DNAJC12: variants seen among roughly 807,000 people sequenced by gnomAD.
DNAJC12 encodes the protein DnaJ heat shock protein family (Hsp40) member C12, also known as dnaJ homolog subfamily C member 12.
DNAJC12 carries 25 observed loss-of-function variants against 28.5 expected under a neutral mutation model. The observed-to-expected ratio is 0.88, with a 90% CI of 0.64 to 1.22. The LOEUF (loss-of-function observed/expected upper bound fraction) is 1.22, where lower values mean the gene tolerates loss of function less well. DNAJC12 is among the 50% of genes most tolerant of loss of function. The probability of loss-of-function intolerance (pLI) is 0.00; values close to 1 mark genes in which losing one functional copy is unlikely to be tolerated. For missense variants in DNAJC12, 222 were observed against 231.7 expected (o/e 0.96, Z 0.27); for synonymous variants, 77 against 80.6 (o/e 0.95, Z 0.24).
At chr10:67,797,241 T>C (rs1244412206) in intron 4 of DNAJC12, 31 bp from the exon 5 acceptor site, 2 of 1,586,028 alleles carry the variant, frequency 1.3e-6, no homozygotes, top group Non-Finnish European at 1.7e-6. Flanking sequence ...ATATTTAAAA[T>C]CAGAAGTAGG....
rs868448549 is a variant in DNAJC12, at chr10:67,796,862, G to A, written c.*254C>T. 6 of 298,666 alleles carry A rather than the reference G, an allele frequency of 2.0e-5. No homozygotes were observed. Among genetic ancestry groups the A allele is most frequent in the African/African-American group, 1.1e-4 (5 of 46,200 alleles). 18.5% of individuals were successfully genotyped at this position (298,666 alleles called of 1,614,324 possible). On this transcript the variant is annotated 3_prime_UTR_variant, in exon 5 of 5. Coordinates refer to ENST00000225171, the MANE Select transcript of DNAJC12 (RefSeq NM_021800.3). ...GGATTTCTATAAGTAGTATTAATAG[G>A]AAAAAGCATATAATACAATCTACTC... is the stretch of plus-strand genomic sequence containing the variant.
intron 2 of DNAJC12, among the ~76,000 whole-genome samples, chr10:67,815,721 G>C (rs971172798): frequency 6.6e-6 from 1 of 152,028 alleles, no homozygotes; most frequent in Non-Finnish European, 1.5e-5. Flanking sequence ...TACCACCAAG[G>C]ATGCACATGC....
At chr10:67,830,666 T>C (rs1396739231) in intron 1 of DNAJC12, among the ~76,000 whole-genome samples, 1 of 151,898 alleles carries the variant, frequency 6.6e-6, no homozygotes, top group Non-Finnish European at 1.5e-5. Context: ...AATTTTTTGA[T>C]ACTTAATATG....
Position 67,823,336 on chromosome 10 carries a change from C to A in DNAJC12, c.135G>T (p.Lys45Asn), listed in dbSNP as rs757211839. 1.9e-6 allele frequency: 3 copies of A among 1,614,022 alleles called. No individual in the cohort carries two copies. The highest frequency in any genetic ancestry group is 2.5e-6 in the Non-Finnish European group (3 of 1,179,982). The stretch of plus-strand genomic sequence containing the variant: ...TACCAGCTTTGGGGTTTTCAGGATG[C>A]TTGTCTGGGTGACATTCCAGAGCTC... ...KVRALECHPD[K>N]HPENPKAVET... The change falls in exon 2 of 5, where the codon AAG becomes AAT. Residue 45 changes from lysine (K) to asparagine (N), a missense_variant. Coordinates refer to ENST00000225171, the MANE Select transcript of DNAJC12 (RefSeq NM_021800.3).
chr10:67,820,349 G>A lies in DNAJC12; in HGVS notation c.157+2965C>T, dbSNP rs992320580. Among the ~76,000 whole-genome samples, 7 of 152,268 alleles carry A rather than the reference G, an allele frequency of 4.6e-5. No homozygotes were observed. The South Asian group carries it at 1.0e-3, about 23-fold the overall frequency. On this transcript the variant is annotated intron_variant, in intron 2 of 4. Transcript: ENST00000225171. Reference sequence around the variant, plus strand: ...GTATAACACAGACATAATGCAAAGCGAAAGAAGCTACACACAAAAGAGTAC... The same window carrying A: ...GTATAACACAGACATAATGCAAAGCAAAAGAAGCTACACACAAAAGAGTAC...
chr10:67,819,600 C>T (rs1169238550), intron 2 of DNAJC12, among the ~76,000 whole-genome samples: 2 of 149,932 alleles, frequency 1.3e-5, no homozygotes, highest in African/African-American at 2.5e-5. Context: ...GATCATGCCA[C>T]GGCCCTCCAG....
At chr10:67,813,363 C>A (rs561351703) in intron 2 of DNAJC12, among the ~76,000 whole-genome samples, 107 of 151,280 alleles carry the variant, frequency 7.1e-4, no homozygotes, top group African/African-American at 2.4e-3. Context: ...ACTCCGTCTC[C>A]AAAAAATAAA....
At position 67,835,923 on chromosome 10, in the gene DNAJC12, C is replaced by T. The variant is rs187804518; in HGVS notation, c.78+2011G>A. Among the ~76,000 whole-genome samples, 13 of 152,154 alleles carry T rather than the reference C, an allele frequency of 8.5e-5. No individual in the cohort carries two copies. In the East Asian group the frequency reaches 1.2e-3, roughly 14 times the overall value. On this transcript the variant is annotated intron_variant, in intron 1 of 4. Transcript: ENST00000225171. ...TATTTTGAATATTACACATTAACAA[C>T]GAGATTATTTTCTGTAAGGCTGTCC...
intron 1 of DNAJC12, among the ~76,000 whole-genome samples, chr10:67,826,596 TATAAG>T (rs967566602): frequency 2.5e-4 from 34 of 136,892 alleles, no homozygotes; most frequent in Admixed American, 1.8e-3. Flanking sequence ...TAATGATATA[TATAAG>T]ATATCTAATG....
At chr10:67,828,297 A>G (rs1842057388) in intron 1 of DNAJC12, among the ~76,000 whole-genome samples, 1 of 152,144 alleles carries the variant, frequency 6.6e-6, no homozygotes, top group African/African-American at 2.4e-5. Flanking sequence ...ATGTGTGTGT[A>G]TCTATCTCTC....
At chr10:67,829,498 G>A (rs907075676) in intron 1 of DNAJC12, among the ~76,000 whole-genome samples, 12 of 152,008 alleles carry the variant, frequency 7.9e-5, no homozygotes, top group Non-Finnish European at 1.3e-4. Flanking sequence ...AAAATTAGCC[G>A]GGCGTGGTGG....
chr10:67,800,773 G>A (rs1276351301), intron 4 of DNAJC12, among the ~76,000 whole-genome samples: 4 of 152,018 alleles, frequency 2.6e-5, no homozygotes, highest in South Asian at 2.1e-4. Context: ...GTGAAACTCC[G>A]TCTCTACTAA....
intron 1 of DNAJC12, chr10:67,827,729 A>T (rs1842051587): frequency 6.6e-6 from 1 of 152,096 alleles, no homozygotes; most frequent in South Asian, 2.1e-4. Context: ...CATGGAAGCA[A>T]ATGTGTCAAA....
At chr10:67,812,012 C>A (rs1228814006) in intron 2 of DNAJC12, among the ~76,000 whole-genome samples, 1 of 152,130 alleles carries the variant, frequency 6.6e-6, no homozygotes, top group African/African-American at 2.4e-5. Flanking sequence ...AAGAAAACTA[C>A]CTTTTTTAGT....
intron 4 of DNAJC12, among the ~76,000 whole-genome samples, chr10:67,800,831 CT>C (rs1841735838): frequency 6.6e-6 from 1 of 151,902 alleles, no homozygotes. Context: ...GTAATCCCAG[CT>C]ACTTGGCAGG....
chr10:67,814,580 A>G (rs1273010291), intron 2 of DNAJC12, among the ~76,000 whole-genome samples: 1 of 152,212 alleles, frequency 6.6e-6, no homozygotes. Context: ...ATGACAAACC[A>G]TGGAATGGGA....
At chr10:67,810,032 G>A (rs1300846965) in intron 3 of DNAJC12, among the ~76,000 whole-genome samples, 6 of 152,088 alleles carry the variant, frequency 3.9e-5, no homozygotes, top group South Asian at 2.1e-4. Context: ...AATTTATGAC[G>A]AAAAGAGGTT....
chr10:67,821,622 C>G (rs764163116), intron 2 of DNAJC12, among the ~76,000 whole-genome samples: 3 of 152,196 alleles, frequency 2.0e-5, no homozygotes, highest in African/African-American at 7.2e-5. Flanking sequence ...CTGGGCGGAA[C>G]ATATGTGGGC....
At chr10:67,809,259 A>G (rs1841835203) in intron 3 of DNAJC12, among the ~76,000 whole-genome samples, 1 of 152,008 alleles carries the variant, frequency 6.6e-6, no homozygotes, top group South Asian at 2.1e-4. Flanking sequence ...TTTTGGTGCT[A>G]GAGGGAGAGC....
Sources: allele counts gnomAD v4.1 joint callset (sites outside exome capture counted in the v4.1 genomes callset), GRCh38; gene constraint gnomAD v4.1.1; transcripts MANE v1.5; gene names NCBI Gene and HGNC (gene_info 2026-07-23, HGNC 2026-07-21).